Variants in MICU1 observed in about 807,000 individuals in gnomAD.
MICU1 encodes calcium uptake protein 1, mitochondrial.
MICU1 carries 45 observed loss-of-function variants against 56.8 expected under a neutral mutation model. The observed-to-expected ratio is 0.79, with a 90% CI of 0.62 to 1.02. The LOEUF (loss-of-function observed/expected upper bound fraction) is 1.02, where lower values mean the gene tolerates loss of function less well. Ranked by LOEUF, MICU1 falls within the 50% of genes least tolerant of loss-of-function variation. The pLI, the probability that MICU1 is intolerant of heterozygous loss-of-function variation, is 0.00. For synonymous variants in MICU1, 186 were observed against 195.1 expected (o/e 0.95, Z 0.39); for missense variants, 504 against 587.1 (o/e 0.86, Z 1.46).
At chr10:72,458,123 TGC>T (rs1865529004) in intron 8 of MICU1, among the ~76,000 whole-genome samples, 1 of 150,358 alleles carries the variant, frequency 6.7e-6, no homozygotes, top group African/African-American at 2.5e-5. Context: ...GCCAAGATCA[TGC>T]CATGCACTCC....
chr10:72,566,296 T>G lies in MICU1; in HGVS notation c.161+337A>C, dbSNP rs550547618. ...CCTGACTTCAAGTGATCCAACCACC[T>G]TGGGCTCCCAAAGTGCTGGGATTAC... On this transcript the variant is annotated intron_variant, in intron 2 of 11. Coordinates refer to ENST00000361114, the MANE Select transcript of MICU1 (RefSeq NM_001195518.2). Among the ~76,000 whole-genome samples the G allele has an allele frequency of 2.3e-3, 345 of 152,292 alleles. 1 individual carries two copies. Among genetic ancestry groups the G allele is most frequent in the African/African-American group, 7.8e-3 (323 of 41,576 alleles).
In MICU1 at chr10:72,395,331, G is replaced by A. The variant is rs558002653; in HGVS notation, c.1180+12598C>T. On this transcript the variant is annotated intron_variant, in intron 10 of 11. Transcript: ENST00000361114. The stretch of plus-strand genomic sequence containing the variant: ...AGGGGTGTTCCAAGATGGCCAAATA[G>A]GAACAGCTCCGGTCTGCAGCTCCCA... 3.3e-5 allele frequency among the ~76,000 whole-genome samples: 5 copies of A among 152,282 alleles called. No individual in the cohort carries two copies. In the South Asian group the frequency reaches 8.3e-4, roughly 25 times the overall value.
In MICU1 at chr10:72,560,995, G is replaced by A. The variant is rs558496633; in HGVS notation, c.330+1900C>T. Reference sequence around the variant, plus strand: ...AAGAATGAATATACAAAGAATGACTGAAAAAAACAGAATGAAGACAGAATA... The same window carrying A: ...AAGAATGAATATACAAAGAATGACTAAAAAAAACAGAATGAAGACAGAATA... On this transcript the variant is annotated intron_variant, in intron 3 of 11. Transcript: ENST00000361114. Among the ~76,000 whole-genome samples, 8 of 152,138 alleles carry A rather than the reference G, an allele frequency of 5.3e-5. No homozygotes were observed. In the South Asian group the frequency reaches 1.7e-3, roughly 32 times the overall value.
intron 6 of MICU1, among the ~76,000 whole-genome samples, chr10:72,477,867 A>AT (rs892879359): frequency 2.2e-4 from 32 of 146,192 alleles, no homozygotes; most frequent in Non-Finnish European, 2.9e-4. Flanking sequence ...TCAGCCCCCT[A>AT]TTTTTTTTTC....
intron 8 of MICU1, among the ~76,000 whole-genome samples, chr10:72,443,085 T>G (rs1322562879): frequency 8.5e-5 from 13 of 152,204 alleles, no homozygotes; most frequent in Non-Finnish European, 1.8e-4. Flanking sequence ...AATAGTTTTC[T>G]CATTGTGGTT....
chr10:72,550,586 G>C (rs910260937), intron 4 of MICU1, among the ~76,000 whole-genome samples: 2 of 152,160 alleles, frequency 1.3e-5, no homozygotes, highest in Admixed American at 6.6e-5. Flanking sequence ...GCTCCTTTGA[G>C]ACTATGGTCA....
intron 1 of MICU1, among the ~76,000 whole-genome samples, chr10:72,577,969 G>C (rs1305309506): frequency 6.6e-6 from 1 of 152,182 alleles, no homozygotes; most frequent in Non-Finnish European, 1.5e-5. Context: ...TGATAAGGCA[G>C]CAGCAGGGTT....
chr10:72,476,463 T>G (rs1205803185), intron 7 of MICU1, among the ~76,000 whole-genome samples: 1 of 152,010 alleles, frequency 6.6e-6, no homozygotes, highest in East Asian at 1.9e-4. Flanking sequence ...TAGCCTCAAG[T>G]GGTCCCCCAA....
Position 72,581,605 on chromosome 10 carries a change from G to A in MICU1, c.-1-14811C>T, listed in dbSNP as rs571543828. On this transcript the variant is annotated intron_variant, in intron 1 of 11. Coordinates refer to ENST00000361114, the MANE Select transcript of MICU1 (RefSeq NM_001195518.2). The stretch of plus-strand genomic sequence containing the variant: ...ATCACACCACTGCACTCCAGCCTGG[G>A]TGACAGAGCAAGACTGTCAATTAAT... Among the ~76,000 whole-genome samples, 125 of 152,300 alleles carry A rather than the reference G, an allele frequency of 8.2e-4. No individual in the cohort carries two copies. In the Middle Eastern group the frequency reaches 0.02, roughly 25 times the overall value.
At chr10:72,566,402 G>A (rs116286400) in intron 2 of MICU1, among the ~76,000 whole-genome samples, 2 of 152,262 alleles carry the variant, frequency 1.3e-5, no homozygotes, top group Admixed American at 6.5e-5. Context: ...TATTTAAAAT[G>A]TTCAGCAGAG....
chr10:72,583,796 C>A (rs1287805375), intron 1 of MICU1, among the ~76,000 whole-genome samples: 15 of 152,080 alleles, frequency 9.9e-5, no homozygotes, highest in Admixed American at 9.8e-4. Flanking sequence ...TCAAGTTCTT[C>A]ATTGAAGACA....
Position 72,416,755 on chromosome 10 carries a change from A to G in MICU1, c.1071+6479T>C, listed in dbSNP as rs535568188. Among the ~76,000 whole-genome samples, 4 of 152,282 alleles carry G rather than the reference A, an allele frequency of 2.6e-5. No individual in the cohort carries two copies. In the East Asian group the frequency reaches 7.7e-4, roughly 29 times the overall value. On this transcript the variant is annotated intron_variant, in intron 9 of 11. Coordinates refer to ENST00000361114, the MANE Select transcript of MICU1 (RefSeq NM_001195518.2). The stretch of plus-strand genomic sequence containing the variant: ...GTTCGAATTGTACTTCCTCTAAGAA[A>G]TCTTACTCGGTCTCTTCAGCTGGCT...
At chr10:72,421,264 CT>C (rs570698452) in intron 9 of MICU1, among the ~76,000 whole-genome samples, 3 of 149,764 alleles carry the variant, frequency 2.0e-5, no homozygotes, top group Non-Finnish European at 3.0e-5. Context: ...TTTTCTTTAT[CT>C]TTTTTTTTGA....
intron 6 of MICU1, among the ~76,000 whole-genome samples, chr10:72,488,128 G>A (rs968541355): frequency 6.6e-6 from 1 of 151,204 alleles, no homozygotes; most frequent in African/African-American, 2.4e-5. Context: ...AGGAGGCAGA[G>A]GTTGCGGTGA....
chr10:72,431,863 C>A (rs1864545002), intron 8 of MICU1, among the ~76,000 whole-genome samples: 1 of 152,096 alleles, frequency 6.6e-6, no homozygotes, highest in South Asian at 2.1e-4. Context: ...GTATCCTTAA[C>A]AAAATCAAAC....
Position 72,566,212 on chromosome 10 carries a change from A to G in MICU1, c.161+421T>C, listed in dbSNP as rs376711611. ...ACAGGCTCACGCCCTGTGTCTGGCT[A>G]TTTTTTGTATTTTTGTAGAGATGGG... On this transcript the variant is annotated intron_variant, in intron 2 of 11. Coordinates refer to ENST00000361114, the MANE Select transcript of MICU1 (RefSeq NM_001195518.2). Among the ~76,000 whole-genome samples, 78 of 151,912 alleles carry G rather than the reference A, an allele frequency of 5.1e-4. 2 individuals are homozygous for G. The South Asian group carries it at 0.016, about 31-fold the overall frequency.
chr10:72,554,857 A>C (rs1840120075), intron 3 of MICU1, among the ~76,000 whole-genome samples: 1 of 152,154 alleles, frequency 6.6e-6, no homozygotes, highest in East Asian at 1.9e-4. Context: ...TCTACTAAAA[A>C]TACAAAAATT....
intron 8 of MICU1, among the ~76,000 whole-genome samples, chr10:72,438,836 T>A (rs914212181): frequency 6.6e-6 from 1 of 152,000 alleles, no homozygotes; most frequent in Non-Finnish European, 1.5e-5. Context: ...TACACCCTCC[T>A]AAGACTAAAC....
intron 1 of MICU1, among the ~76,000 whole-genome samples, chr10:72,574,632 T>C (rs1326147545): frequency 6.6e-6 from 1 of 152,056 alleles, no homozygotes; most frequent in Non-Finnish European, 1.5e-5. Flanking sequence ...AAGAAGAGTA[T>C]GTCAGTCTAA....
Sources: gnomAD v4.1 joint callset for allele counts (sites outside exome capture counted in the v4.1 genomes callset) on GRCh38, gnomAD v4.1.1 for gene constraint, MANE v1.5 for transcripts, NCBI Gene and HGNC (gene_info 2026-07-23, HGNC 2026-07-21) for gene names.